Variants in NKAIN2 observed in about 807,000 individuals in gnomAD.
NKAIN2 encodes sodium/potassium-transporting ATPase subunit beta-1-interacting protein 2.
NKAIN2 carries 14 observed loss-of-function variants against 32.6 expected under a neutral mutation model. The ratio of observed to expected loss-of-function variants is 0.43; its 90% CI spans 0.28 to 0.67. The LOEUF (loss-of-function observed/expected upper bound fraction) is 0.67. Among genes scored for constraint, NKAIN2 ranks in the 30% least tolerant of loss-of-function variants. The pLI is 0.17. For missense variants in NKAIN2, 198 were observed against 258.3 expected (o/e 0.77, Z 1.60); for synonymous variants, 80 against 87.2 (o/e 0.92, Z 0.46).
chr6:124,451,789 G>A (rs1052478138), intron 3 of NKAIN2, among the ~76,000 whole-genome samples: 1 of 137,018 alleles, frequency 7.3e-6, no homozygotes, highest in African/African-American at 2.6e-5. Context: ...TATTCTAACA[G>A]TGATATCCAA....
At chr6:124,046,267 C>T (rs1280376578) in intron 1 of NKAIN2, among the ~76,000 whole-genome samples, 1 of 151,754 alleles carries the variant, frequency 6.6e-6, no homozygotes, top group African/African-American at 2.4e-5. Flanking sequence ...AAAAATGATC[C>T]TACCTAGTTT....
chr6:124,262,166 G>T (rs947129496), intron 1 of NKAIN2, among the ~76,000 whole-genome samples: 1 of 152,074 alleles, frequency 6.6e-6, no homozygotes, highest in Non-Finnish European at 1.5e-5. Context: ...TGGTACTTAG[G>T]CGACTTTCTT....
At chr6:124,293,977 G>C (rs1440197210) in intron 2 of NKAIN2, among the ~76,000 whole-genome samples, 1 of 152,108 alleles carries the variant, frequency 6.6e-6, no homozygotes, top group East Asian at 1.9e-4. Flanking sequence ...TTTTAGTTTA[G>C]AGTTTCTTAG....
At chr6:123,938,585 A>G (rs1562267563) in intron 1 of NKAIN2, among the ~76,000 whole-genome samples, 2 of 140,688 alleles carry the variant, frequency 1.4e-5, no homozygotes, top group African/African-American at 5.1e-5. Flanking sequence ...ATATTTATAT[A>G]GTTTTTATAT....
chr6:124,147,069 A>G (rs1787444521), intron 1 of NKAIN2, among the ~76,000 whole-genome samples: 1 of 152,212 alleles, frequency 6.6e-6, no homozygotes, highest in Non-Finnish European at 1.5e-5. Context: ...TCATCCAATT[A>G]TGTGTTTTCT....
intron 3 of NKAIN2, among the ~76,000 whole-genome samples, chr6:124,616,534 G>C (rs1242752494): frequency 8.3e-6 from 1 of 120,598 alleles, no homozygotes; most frequent in Non-Finnish European, 1.6e-5. Flanking sequence ...GTGCGATCTC[G>C]GCTCACTGAA....
intron 1 of NKAIN2, among the ~76,000 whole-genome samples, chr6:123,976,368 TTCCC>T (rs1391341065): frequency 0.023 from 291 of 12,790 alleles, 16 homozygotes; most frequent in African/African-American, 0.068. Context: ...TATATATATA[TTCCC>T]ATATATATAT....
intron 1 of NKAIN2, among the ~76,000 whole-genome samples, chr6:123,889,521 C>G (rs890979599): frequency 5.3e-5 from 8 of 152,084 alleles, no homozygotes; most frequent in Non-Finnish European, 7.4e-5. Flanking sequence ...ATACACGATT[C>G]AGAGAATGCA....
intron 3 of NKAIN2, among the ~76,000 whole-genome samples, chr6:124,496,033 GA>G (rs1402067861): frequency 1.3e-5 from 2 of 152,080 alleles, no homozygotes; most frequent in Non-Finnish European, 2.9e-5. Flanking sequence ...TGACAGCTCT[GA>G]AAAAAACTGT....
At chr6:124,462,229 A>G (rs2114649734) in intron 3 of NKAIN2, among the ~76,000 whole-genome samples, 1 of 152,046 alleles carries the variant, frequency 6.6e-6, no homozygotes, top group East Asian at 1.9e-4. Context: ...AGTATGCACA[A>G]TGAGAAATAA....
chr6:124,653,817 T>A (rs1252986458), intron 3 of NKAIN2, among the ~76,000 whole-genome samples: 3 of 152,160 alleles, frequency 2.0e-5, no homozygotes, highest in Non-Finnish European at 4.4e-5. Context: ...TTTTTATCTT[T>A]TTGAGTCTGA....
intron 1 of NKAIN2, among the ~76,000 whole-genome samples, chr6:124,151,437 G>A (rs966456651): frequency 1.3e-5 from 2 of 151,842 alleles, no homozygotes; most frequent in African/African-American, 4.8e-5. Flanking sequence ...ATGCATATGT[G>A]GTTTTTTTCC....
chr6:124,116,725 C>T (rs761006539), intron 1 of NKAIN2, among the ~76,000 whole-genome samples: 8 of 151,918 alleles, frequency 5.3e-5, no homozygotes, highest in East Asian at 1.9e-4. Context: ...TCAAAACATC[C>T]GGTAACTTGT....
At chr6:124,033,939 C>G (rs1562320372) in intron 1 of NKAIN2, among the ~76,000 whole-genome samples, 1 of 152,022 alleles carries the variant, frequency 6.6e-6, no homozygotes, top group Non-Finnish European at 1.5e-5. Context: ...AATATCCTTA[C>G]AGTCCAAAAG....
intron 3 of NKAIN2, among the ~76,000 whole-genome samples, chr6:124,509,834 T>C (rs940073460): frequency 1.6e-4 from 25 of 152,210 alleles, no homozygotes; most frequent in African/African-American, 6.0e-4. Flanking sequence ...CTGTATATCA[T>C]AATAAAATGG....
At chr6:124,682,144 T>C (rs1004512939) in intron 4 of NKAIN2, among the ~76,000 whole-genome samples, 1 of 152,094 alleles carries the variant, frequency 6.6e-6, no homozygotes, top group Non-Finnish European at 1.5e-5. Flanking sequence ...GTTTTTTTTT[T>C]ACAAATAAAA....
intron 4 of NKAIN2, among the ~76,000 whole-genome samples, chr6:124,683,387 T>C (rs1773714293): frequency 6.6e-6 from 1 of 152,166 alleles, no homozygotes. Context: ...AATGATCTCC[T>C]TGGCCAGACT....
chr6:124,702,807 G>A (rs1774865856), intron 4 of NKAIN2, among the ~76,000 whole-genome samples: 1 of 151,994 alleles, frequency 6.6e-6, no homozygotes. Flanking sequence ...AGCTTTTTTA[G>A]TCATTAAAAA....
At chr6:124,617,559 G>T (rs80229130) in intron 3 of NKAIN2, among the ~76,000 whole-genome samples, 1,610 of 152,182 alleles carry the variant, frequency 0.011, 32 homozygotes, top group African/African-American at 0.037. Flanking sequence ...GCATCTATCA[G>T]GTTCCAGCTC....
Sources: allele counts gnomAD v4.1 joint callset (sites outside exome capture counted in the v4.1 genomes callset), GRCh38; gene constraint gnomAD v4.1.1; transcripts MANE v1.5; gene names NCBI Gene and HGNC (gene_info 2026-07-23, HGNC 2026-07-21).